IFI44L: variants seen among roughly 807,000 people sequenced by gnomAD.
The protein encoded by IFI44L is interferon-induced protein 44-like.
In IFI44L, 40 loss-of-function variants were observed where a neutral mutation model predicts 39.3. The ratio of observed to expected loss-of-function variants is 1.02; its 90% confidence interval spans 0.79 to 1.33. The LOEUF (loss-of-function observed/expected upper bound fraction) is 1.33. Among genes scored for constraint, IFI44L ranks in the 40% most tolerant of loss-of-function variants. The probability of loss-of-function intolerance (pLI) is 0.00; values close to 1 mark genes in which losing one functional copy is unlikely to be tolerated. For missense variants in IFI44L, 623 were observed against 549.0 expected (o/e 1.13, Z -1.35); for synonymous variants, 198 against 182.3 (o/e 1.09, Z -0.69).
intron 5 of IFI44L, chr1:78,636,720 T>G: frequency 4.0e-6 from 1 of 253,028 alleles, no homozygotes; most frequent in Non-Finnish European, 7.5e-6. Flanking sequence ...ACGTTAATGG[T>G]GTTTATTTCT....
intron 4 of IFI44L, 32 bp from the exon 5 acceptor site, chr1:78,635,305 G>A: frequency 6.7e-7 from 1 of 1,487,418 alleles, no homozygotes; most frequent in African/African-American, 1.4e-5. Flanking sequence ...GGTGATGAAT[G>A]AACCTTTACA....
At chr1:78,624,480 T>A (rs1465185879) in intron 1 of IFI44L, among the ~76,000 whole-genome samples, 1 of 152,162 alleles carries the variant, frequency 6.6e-6, no homozygotes, top group African/African-American at 2.4e-5. Flanking sequence ...TTAAGACTTG[T>A]TTTTTGACCT....
chr1:78,642,034 A>G lies in IFI44L; in HGVS notation c.*225A>G. Reference sequence around the variant, plus strand: ...CATATTTCCGTACCATTTACAATTCAGTTTCTGTGACATCTTTTTAAACCA... The same window carrying G: ...CATATTTCCGTACCATTTACAATTCGGTTTCTGTGACATCTTTTTAAACCA... On this transcript the variant is annotated 3_prime_UTR_variant, in exon 9 of 9. Coordinates refer to ENST00000370751, the MANE Select transcript of IFI44L (RefSeq NM_006820.4). 1 of 597,950 alleles carries G rather than the reference A, an allele frequency of 1.7e-6. No homozygotes were observed. The allele number at this position is 597,950 out of a possible 1,614,324, so 37.0% of individuals were successfully genotyped here.
intron 6 of IFI44L, among the ~76,000 whole-genome samples, chr1:78,639,615 G>A (rs1324436619): frequency 1.3e-5 from 2 of 152,034 alleles, no homozygotes; most frequent in Non-Finnish European, 2.9e-5. Context: ...TAGCCAAATT[G>A]CATTATCTGC....
chr1:78,628,818 A>C (rs1020010346), intron 2 of IFI44L, 133 bp from the exon 3 acceptor site: 1 of 626,682 alleles, frequency 1.6e-6, no homozygotes, highest in African/African-American at 1.9e-5. Flanking sequence ...CATGTTGCCA[A>C]CTCTGACTCC....
In IFI44L at chr1:78,643,162, T is replaced by TTTTTTTTTTTTTTTTGTTTTGA. The variant is rs1359225810; in HGVS notation, c.*1353_*1354insTTTTTTTTTTTTTTTGTTTTGA. 1 of 151,834 alleles carries TTTTTTTTTTTTTTTTGTTTTGA rather than the reference T, an allele frequency of 6.6e-6. No homozygotes were observed. The highest frequency in any genetic ancestry group is 1.5e-5 in the Non-Finnish European group (1 of 67,968). 9.4% of individuals were successfully genotyped at this position (151,834 alleles called of 1,614,324 possible). On this transcript the variant is annotated 3_prime_UTR_variant, in exon 9 of 9. Coordinates refer to ENST00000370751, the MANE Select transcript of IFI44L (RefSeq NM_006820.4). ...ATATTAAGAAAGCAAGAGTTTCTTATGTCCAGTTATGGAATATTTCCTAAA... is the reference window on the plus strand; with the variant it reads ...ATATTAAGAAAGCAAGAGTTTCTTATTTTTTTTTTTTTTTTGTTTTGAGTCCAGTTATGGAATATTTCCTAAA...
rs1646987697 is a variant in IFI44L at position 78,641,707 on chromosome 1, A to T, written c.1325-68A>T. 3 of 1,604,078 alleles carry T rather than the reference A, an allele frequency of 1.9e-6. No homozygotes were observed. The African/African-American group carries it at 4.0e-5, about 21-fold the overall frequency. ...TATTAGATGACTGGGGCCCACCTGC[A>T]TGCCCTAGTCCTGAAAGCTACATTA... On this transcript the variant is annotated intron_variant, in intron 8 of 8. Coordinates refer to ENST00000370751, the MANE Select transcript of IFI44L (RefSeq NM_006820.4).
Position 78,641,938 on chromosome 1 carries a change from A to G in IFI44L, c.*129A>G. 5 of 1,063,760 alleles carry G rather than the reference A, an allele frequency of 4.7e-6. No individual in the cohort carries two copies. The highest frequency in any genetic ancestry group is 7.3e-6 in the Non-Finnish European group (5 of 682,802). 65.9% of individuals were successfully genotyped at this position (1,063,760 alleles called of 1,614,324 possible). ...TTTGCCTTCTGTCCTTGGAACAGTC[A>G]TATCTCAAGTTCAAAGGCCAAAACC... is the stretch of plus-strand genomic sequence containing the variant. On this transcript the variant is annotated 3_prime_UTR_variant, in exon 9 of 9. Coordinates refer to ENST00000370751, the MANE Select transcript of IFI44L (RefSeq NM_006820.4).
chr1:78,634,802 A>G (rs1652878933), intron 4 of IFI44L, among the ~76,000 whole-genome samples: 1 of 151,816 alleles, frequency 6.6e-6, no homozygotes, highest in African/African-American at 2.4e-5. Flanking sequence ...CAAAGGTGCA[A>G]ACTGTGGGGA....
At position 78,628,121 on chromosome 1, in the gene IFI44L, A is replaced by G. The variant is rs1415155184; in HGVS notation, c.206A>G (p.Tyr69Cys). ...ATTGTAGCCTTTATGCTTGGAAATT[A>G]TATTAATTTACATGAAAGTTCTACA... ...NMIVAFMLGN[Y>C]INLHESSTEP... The change falls in exon 2 of 9, where the codon TAT becomes TGT. Residue 69 changes from tyrosine (Y) to cysteine (C), a missense_variant. By Grantham distance (194) the Tyr-to-Cys change is radical. Coordinates refer to ENST00000370751, the MANE Select transcript of IFI44L (RefSeq NM_006820.4). 6.2e-7 allele frequency: 1 copy of G among 1,612,194 alleles called. No homozygotes were observed. Among genetic ancestry groups the G allele is most frequent in the African/African-American group, 1.3e-5 (1 of 74,842 alleles).
chr1:78,627,444 T>A (rs1368377961), intron 1 of IFI44L: 1 of 152,146 alleles, frequency 6.6e-6, no homozygotes, highest in Non-Finnish European at 1.5e-5. Context: ...ATGACAATGA[T>A]GACCTCTGTT....
Position 78,643,779 on chromosome 1 carries a change from T to G in IFI44L, c.*1970T>G, listed in dbSNP as rs1647015463. 1 of 152,006 alleles carries G rather than the reference T, an allele frequency of 6.6e-6. No homozygotes were observed. The highest frequency in any genetic ancestry group is 2.1e-4 in the South Asian group (1 of 4,824). The allele number at this position is 152,006 out of a possible 1,614,324, so 9.4% of individuals were successfully genotyped here. On this transcript the variant is annotated 3_prime_UTR_variant, in exon 9 of 9. Transcript: ENST00000370751. ...TTTTAGATAGAAACTTGATGTTTCTTAACGTTACATATATTATCTTATAGA... is the reference window on the plus strand; with the variant it reads ...TTTTAGATAGAAACTTGATGTTTCTGAACGTTACATATATTATCTTATAGA...
rs1557683965 is a variant in IFI44L at position 78,628,378 on chromosome 1, GT to G, written c.468del (p.Arg157GlufsTer9). The G allele has an allele frequency of 2.6e-6, 4 of 1,558,338 alleles. No individual in the cohort carries two copies. The highest frequency in any genetic ancestry group is 3.5e-6 in the Non-Finnish European group (4 of 1,152,090). On this transcript the variant is annotated frameshift_variant, in exon 2 of 9. Transcript: ENST00000370751. LOFTEE classifies it high-confidence loss of function. Reference protein sequence around the residue: ...YGHRQYLECEVFRVEGIKDNL... With the variant: ...YGHRQYLECEXFRVEGIKDNL... ...CCACCGTCAGTATTTGGAATGTGAA[GT>G]TTTTCGAGTTGAAGGTTTGTAAAAT...
At chr1:78,639,052 G>A (rs76329198) in intron 6 of IFI44L, among the ~76,000 whole-genome samples, 2,636 of 152,080 alleles carry the variant, frequency 0.017, 42 homozygotes, top group South Asian at 0.041. Flanking sequence ...GCCCCATATA[G>A]GATACCCTGA....
intron 1 of IFI44L, among the ~76,000 whole-genome samples, chr1:78,622,237 C>T (rs1652303454): frequency 6.6e-6 from 1 of 152,098 alleles, no homozygotes; most frequent in South Asian, 2.1e-4. Context: ...CAGTTCCGTC[C>T]ATGTTGCTGC....
chr1:78,629,660 T>C (rs1431568943), intron 3 of IFI44L, 60 bp from the exon 4 acceptor site: 4 of 1,285,558 alleles, frequency 3.1e-6, no homozygotes, highest in Admixed American at 2.2e-5. Context: ...CTTGAGATGT[T>C]CTTTATGGTA....
chr1:78,630,190 A>G (rs1652697472), intron 4 of IFI44L: 1 of 324,658 alleles, frequency 3.1e-6, no homozygotes, highest in Admixed American at 4.7e-5. Context: ...AAAATCTTTG[A>G]CCATTATATA....
intron 4 of IFI44L, 96 bp downstream of exon 4, chr1:78,630,011 T>C (rs1231732474): frequency 8.9e-7 from 1 of 1,117,368 alleles, no homozygotes; most frequent in Non-Finnish European, 1.3e-6. Context: ...TAATATACAA[T>C]TAAATGCTAA....
rs757808608 is a variant in IFI44L at position 78,629,832 on chromosome 1, T to C, written c.640T>C (p.Phe214Leu). 5.6e-6 allele frequency: 9 copies of C among 1,613,854 alleles called. No homozygotes were observed. The South Asian group carries it at 9.9e-5, about 18-fold the overall frequency. ...GPVGSGKSSF[F>L]NSVKSIFHGH... ...AGTTGGGTCTGGAAAGTCCAGTTTT[T>C]TCAATTCAGTCAAGTCTATTTTTCA... is the stretch of plus-strand genomic sequence containing the variant. Residue 214 changes from phenylalanine to leucine, a missense_variant, in exon 4 of 9, where the codon TTC becomes CTC. Phe to Leu is a conservative substitution (Grantham distance 22, BLOSUM62 0). Transcript: ENST00000370751.
Sources: allele counts gnomAD v4.1 joint callset (sites outside exome capture counted in the v4.1 genomes callset), GRCh38; gene constraint gnomAD v4.1.1; transcripts MANE v1.5; gene names NCBI Gene and HGNC (gene_info 2026-07-23, HGNC 2026-07-21).